Variants in CDC45 observed in about 807,000 individuals in gnomAD.
The protein encoded by CDC45 is cell division control protein 45 homolog.
Under a neutral mutation model 77.8 loss-of-function variants are expected in CDC45, and 54 were observed. The observed-to-expected ratio is 0.69, with a 90% CI of 0.56 to 0.87. CDC45 has a LOEUF of 0.87. CDC45 is among the 40% of genes least tolerant of loss of function. The pLI is 0.00. For synonymous variants in CDC45, 260 were observed against 272.1 expected, an observed-to-expected ratio of 0.96 and a Z score of 0.44; for missense variants, 649 against 721.6, an observed-to-expected ratio of 0.90 and a Z score of 1.15.
chr22:19,490,720 T>C (rs5748237), intron 5 of CDC45, among the ~76,000 whole-genome samples: 6,035 of 152,226 alleles, frequency 0.04, 213 homozygotes, highest in South Asian at 0.13. Context: ...TCTCCTTGTA[T>C]AGATTTTTTA....
At chr22:19,508,760 T>C in intron 13 of CDC45, 69 bp downstream of exon 13, 1 of 1,493,228 alleles carries the variant, frequency 6.7e-7, no homozygotes, top group Middle Eastern at 2.2e-4. Context: ...GGGAGGTCAG[T>C]TACGGGGACC....
At chr22:19,488,674 A>G (rs1187566502) in intron 5 of CDC45, among the ~76,000 whole-genome samples, 3 of 152,202 alleles carry the variant, frequency 2.0e-5, no homozygotes, top group Admixed American at 6.5e-5. Context: ...TGTCTACACA[A>G]TTCACTAGGT....
intron 9 of CDC45, among the ~76,000 whole-genome samples, chr22:19,501,901 G>A (rs559313464): frequency 6.6e-6 from 1 of 152,138 alleles, no homozygotes; most frequent in Admixed American, 6.6e-5. Flanking sequence ...TTTTTTTGTA[G>A]AGATGGGGTC....
intron 7 of CDC45, among the ~76,000 whole-genome samples, chr22:19,496,494 A>G (rs2090245482): frequency 6.6e-6 from 1 of 152,262 alleles, no homozygotes; most frequent in Non-Finnish European, 1.5e-5. Flanking sequence ...TCAATAAAAC[A>G]TCCTGTATTT....
chr22:19,499,971 C>T (rs2090312343), intron 9 of CDC45, among the ~76,000 whole-genome samples: 1 of 152,232 alleles, frequency 6.6e-6, no homozygotes, highest in Non-Finnish European at 1.5e-5. Flanking sequence ...CAGCCCTGCC[C>T]CTGTCTGGAT....
At chr22:19,508,245 C>T (rs1933315462) in intron 12 of CDC45, among the ~76,000 whole-genome samples, 1 of 152,146 alleles carries the variant, frequency 6.6e-6, no homozygotes, top group African/African-American at 2.4e-5. Context: ...CCTGGAGGCC[C>T]CTGGCTTCTC....
rs931190213 is a variant in CDC45 at position 19,481,447 on chromosome 22, C to T, written c.204+402C>T. Among the ~76,000 whole-genome samples the T allele has an allele frequency of 1.9e-4, 29 of 151,648 alleles. 2 individuals are homozygous for T. In the East Asian group the frequency reaches 3.9e-3, roughly 20 times the overall value. On this transcript the variant is annotated intron_variant, in intron 3 of 18. Coordinates refer to ENST00000263201, the MANE Select transcript of CDC45 (RefSeq NM_003504.5). ...AGGCTGGAGTGCAGTGGCACGATCT[C>T]GGCTCACTGCAAGCTGTGTCTCCTG...
intron 5 of CDC45, among the ~76,000 whole-genome samples, chr22:19,490,570 T>C (rs1469020779): frequency 1.3e-5 from 2 of 151,938 alleles, no homozygotes; most frequent in Non-Finnish European, 2.9e-5. Context: ...GAGATGGGGT[T>C]TCACCTTGTT....
At chr22:19,509,227 G>A (rs1933383813) in intron 13 of CDC45, among the ~76,000 whole-genome samples, 1 of 152,172 alleles carries the variant, frequency 6.6e-6, no homozygotes, top group Admixed American at 6.5e-5. Context: ...GAGGATTATA[G>A]TGTCTGCGAT....
chr22:19,508,794 T>A, intron 13 of CDC45, 103 bp downstream of exon 13: 1 of 1,125,948 alleles, frequency 8.9e-7, no homozygotes, highest in African/African-American at 1.5e-5. Flanking sequence ...AGTGACTGTG[T>A]CCTGCAGAAA....
upstream of CDC45, chr22:19,479,919 C>A (rs376674660): frequency 1.9e-4 from 298 of 1,606,028 alleles, 1 homozygote; most frequent in South Asian, 2.1e-4. Flanking sequence ...TGACCGCCGC[C>A]GGGCTCTTGG....
chr22:19,491,799 G>A (rs1043647330), intron 5 of CDC45, among the ~76,000 whole-genome samples: 6 of 151,064 alleles, frequency 4.0e-5, no homozygotes, highest in African/African-American at 1.2e-4. Context: ...TCCACCTCCC[G>A]TTACCCAGCT....
Position 19,516,536 on chromosome 22 carries a change from C to T in CDC45, c.1450C>T (p.Arg484Trp), listed in dbSNP as rs371699135. Reference sequence around the variant, plus strand: ...CTCTCCGACTCCATAGACAAAGAACCGGCGCTGCAAACTGCTGCCCCTGGT... The same window carrying T: ...CTCTCCGACTCCATAGACAAAGAACTGGCGCTGCAAACTGCTGCCCCTGGT... ...LKSFVCSTKN[R>W]RCKLLPLVMA... Residue 484 changes from arginine to tryptophan, a missense_variant, in exon 16 of 19, where the codon CGG becomes TGG. Transcript: ENST00000263201. 2.1e-5 allele frequency: 34 copies of T among 1,613,608 alleles called. No individual in the cohort carries two copies. Among genetic ancestry groups the T allele is most frequent in the African/African-American group, 8.0e-5 (6 of 74,862 alleles).
At chr22:19,505,222 T>A in intron 9 of CDC45, 140 bp from the exon 10 acceptor site, 2 of 898,860 alleles carry the variant, frequency 2.2e-6, no homozygotes. Flanking sequence ...AGGCTGCATG[T>A]CCTTAGTCCC....
At chr22:19,502,665 C>G (rs1191728066) in intron 9 of CDC45, among the ~76,000 whole-genome samples, 1 of 152,218 alleles carries the variant, frequency 6.6e-6, no homozygotes, top group Non-Finnish European at 1.5e-5. Context: ...GTAGGTAATT[C>G]AGTGAAGGCT....
At chr22:19,492,416 T>A (rs1438256486) in intron 5 of CDC45, among the ~76,000 whole-genome samples, 7 of 152,044 alleles carry the variant, frequency 4.6e-5, no homozygotes, top group Non-Finnish European at 1.0e-4. Context: ...ATATATATAT[T>A]TTCTTTCTTT....
At chr22:19,515,082 G>A (rs1259694605) in intron 15 of CDC45, 34 bp downstream of exon 15, 1 of 1,555,828 alleles carries the variant, frequency 6.4e-7, no homozygotes, top group South Asian at 1.2e-5. Context: ...GGGTACAGGA[G>A]GGCAGGTGCT....
intron 9 of CDC45, among the ~76,000 whole-genome samples, chr22:19,501,418 A>G (rs1932899721): frequency 6.6e-6 from 1 of 152,210 alleles, no homozygotes; most frequent in Non-Finnish European, 1.5e-5. Context: ...TCTGGTTTTC[A>G]AAGGCATTAG....
intron 9 of CDC45, among the ~76,000 whole-genome samples, 193 bp downstream of exon 9, chr22:19,499,344 C>T (rs1239385824): frequency 6.6e-6 from 1 of 152,172 alleles, no homozygotes; most frequent in Non-Finnish European, 1.5e-5. Context: ...GTGACCGTGG[C>T]CTTGTGTGGC....
Sources: allele counts gnomAD v4.1 joint callset (sites outside exome capture counted in the v4.1 genomes callset), GRCh38; gene constraint gnomAD v4.1.1; transcripts MANE v1.5; gene names NCBI Gene and HGNC (gene_info 2026-07-23, HGNC 2026-07-21).